PAFAH1B3: variants seen among roughly 807,000 people sequenced by gnomAD.
PAFAH1B3 encodes platelet activating factor acetylhydrolase 1b catalytic subunit 3.
In PAFAH1B3, 15 loss-of-function variants were observed where a neutral mutation model predicts 24.4. The ratio of observed to expected loss-of-function variants is 0.62; its 90% confidence interval spans 0.41 to 0.95. The LOEUF (loss-of-function observed/expected upper bound fraction) is 0.95. Ranked by LOEUF, PAFAH1B3 falls within the 40% of genes least tolerant of loss-of-function variation. The pLI, the probability that PAFAH1B3 is intolerant of heterozygous loss-of-function variation, is 0.00. For missense variants in PAFAH1B3, 266 were observed against 312.2 expected (o/e 0.85, Z 1.12); for synonymous variants, 144 against 126.5 (o/e 1.14, Z -0.93).
intron 4 of PAFAH1B3, 63 bp from the exon 5 acceptor site, chr19:42,297,428 A>C (rs1391580490): frequency 8.1e-7 from 1 of 1,229,316 alleles, no homozygotes; most frequent in Non-Finnish European, 1.1e-6. Context: ...CTCTGTGCCA[A>C]CCTGTCCTCC....
chr19:42,302,393 C>G lies in PAFAH1B3; in HGVS notation c.-84G>C, dbSNP rs1038814506. On this transcript the variant is annotated 5_prime_UTR_variant, in exon 1 of 5. Transcript: ENST00000262890. ...CGGAGCTGGCTCCGCCACGCCCACT[C>G]CTACCCCTCGCGGCAACAAAGGACC... The G allele has an allele frequency of 3.0e-5, 38 of 1,261,292 alleles. No homozygotes were observed. Among genetic ancestry groups the G allele is most frequent in the Non-Finnish European group, 3.8e-5 (35 of 911,884 alleles). The allele number at this position is 1,261,292 out of a possible 1,614,324, so 78.1% of individuals were successfully genotyped here. A position where few individuals can be genotyped will look rare whatever the true frequency, so the allele number is the denominator to read the frequency against.
chr19:42,297,452 A>C (rs923600427), intron 4 of PAFAH1B3, 87 bp from the exon 5 acceptor site: 2 of 944,408 alleles, frequency 2.1e-6, no homozygotes, highest in African/African-American at 3.5e-5. Flanking sequence ...CACCACCATG[A>C]AGTTTCCAGC....
At chr19:42,300,342 C>T (rs945799755) in intron 2 of PAFAH1B3, 55 bp from the exon 3 acceptor site, 21 of 1,395,572 alleles carry the variant, frequency 1.5e-5, no homozygotes, top group Middle Eastern at 3.5e-4. Flanking sequence ...GGGCACTGTC[C>T]GCATGGACCA....
intron 4 of PAFAH1B3, among the ~76,000 whole-genome samples, chr19:42,297,721 C>G (rs1225748074): frequency 6.6e-6 from 1 of 151,916 alleles, no homozygotes; most frequent in Admixed American, 6.6e-5. Flanking sequence ...CTACGGGCAC[C>G]CACCATCATG....
At position 42,299,812 on chromosome 19, in the gene PAFAH1B3, C is replaced by T. The variant is rs57132490; in HGVS notation, c.408+158G>A. 1.5e-3 allele frequency: 1,361 copies of T among 931,586 alleles called. 17 individuals carry two copies. The African/African-American group carries it at 0.02, about 14-fold the overall frequency. 57.7% of individuals were successfully genotyped at this position (931,586 alleles called of 1,614,324 possible). A position where few individuals can be genotyped will look rare whatever the true frequency, so the allele number is the denominator to read the frequency against. On this transcript the variant is annotated intron_variant, in intron 4 of 4. Coordinates refer to ENST00000262890, the MANE Select transcript of PAFAH1B3 (RefSeq NM_002573.4). ...ATTGGTCTCGGAGCATATTCTCAAC[C>T]ACAGCCACTCTGAAGGGTATAGCAA...
rs768624505 is a variant in PAFAH1B3 at position 42,300,009 on chromosome 19, C to T, written c.369G>A (p.Leu123=). ...VTGGIKAIVQ[L]VNERQPQARV... ...GGGCCTGGGGCTGTCGCTCATTCAC[C>T]AGTTGCACAATGGCCTTGATGCCAC... is the stretch of plus-strand genomic sequence containing the variant. Residue 123 remains leucine (L), a synonymous_variant, in exon 4 of 5, where the codon CTG becomes CTA. Transcript: ENST00000262890. 37 of 1,614,118 alleles carry T rather than the reference C, an allele frequency of 2.3e-5. 1 individual carries two copies. In the South Asian group the frequency reaches 4.1e-4, roughly 18 times the overall value.
chr19:42,302,400 C>T lies in PAFAH1B3; in HGVS notation c.-91G>A. On this transcript the variant is annotated 5_prime_UTR_variant, in exon 1 of 5. Transcript: ENST00000262890. ...GGCTCCGCCACGCCCACTCCTACCCCTCGCGGCAACAAAGGACCGTCCCAA... is the reference window on the plus strand; with the variant it reads ...GGCTCCGCCACGCCCACTCCTACCCTTCGCGGCAACAAAGGACCGTCCCAA... 2 of 1,203,356 alleles carry T rather than the reference C, an allele frequency of 1.7e-6. No individual in the cohort carries two copies. Among genetic ancestry groups the T allele is most frequent in the South Asian group, 2.8e-5 (2 of 70,736 alleles). The allele number at this position is 1,203,356 out of a possible 1,614,324, so 74.5% of individuals were successfully genotyped here.
In PAFAH1B3 at chr19:42,297,164, CAG is replaced by C; in HGVS notation, c.608_609del (p.Pro203ArgfsTer?). 1 of 1,614,020 alleles carries C rather than the reference CAG, an allele frequency of 6.2e-7. No homozygotes were observed. The highest frequency in any genetic ancestry group is 8.5e-7 in the Non-Finnish European group (1 of 1,179,926). ...AGCAGGGAGTGCAGAGCCCGGCAAA[CAG>C]GTGTGTAGCCCAGGCGGCTCAGATG... Reference protein sequence around the residue: ...YLHLSRLGYTPVCRALHSLLL... With the variant: ...YLHLSRLGYTXVCRALHSLLL... On this transcript the variant is annotated frameshift_variant, in exon 5 of 5. Coordinates refer to ENST00000262890, the MANE Select transcript of PAFAH1B3 (RefSeq NM_002573.4). LOFTEE classifies it high-confidence loss of function.
At position 42,302,342 on chromosome 19, in the gene PAFAH1B3, T is replaced by G. The variant is rs761868222; in HGVS notation, c.-33A>C. On this transcript the variant is annotated 5_prime_UTR_variant, in exon 1 of 5. Transcript: ENST00000262890. ...CCGCAGCTCCTGCAGGATGAGCGAG[T>G]CGGGTCGGCCCGGGAGTGTTCCGAA... 6 of 1,562,518 alleles carry G rather than the reference T, an allele frequency of 3.8e-6. No individual in the cohort carries two copies. In the African/African-American group the frequency reaches 8.1e-5, roughly 21 times the overall value.
intron 4 of PAFAH1B3, among the ~76,000 whole-genome samples, chr19:42,297,718 C>T (rs1057134653): frequency 1.3e-5 from 2 of 152,002 alleles, no homozygotes; most frequent in Admixed American, 6.6e-5. Flanking sequence ...GGACTACGGG[C>T]ACCCACCATC....
chr19:42,301,806 C>A, intron 2 of PAFAH1B3, 144 bp downstream of exon 2: 1 of 632,178 alleles, frequency 1.6e-6, no homozygotes, highest in Non-Finnish European at 2.8e-6. Context: ...AATGTTGCAC[C>A]TTACACCAAG....
chr19:42,299,933 C>T, intron 4 of PAFAH1B3, 37 bp downstream of exon 4: 1 of 1,612,294 alleles, frequency 6.2e-7, no homozygotes, highest in Non-Finnish European at 8.5e-7. Context: ...TCCCAGACCA[C>T]TGCCATTCTT....
In PAFAH1B3 at chr19:42,299,984, G is replaced by C. The variant is rs200814337; in HGVS notation, c.394C>G (p.Arg132Gly). 2 of 1,614,058 alleles carry C rather than the reference G, an allele frequency of 1.2e-6. No homozygotes were observed. Among genetic ancestry groups the C allele is most frequent in the East Asian group, 4.5e-5 (2 of 44,892 alleles). The change falls in exon 4 of 5, where the codon CGG (arginine) becomes GGG (glycine). Residue 132 changes from arginine to glycine, a missense_variant. Physicochemically the swap from Arg to Gly is moderately radical, Grantham distance 125 (BLOSUM62 -2). Transcript: ENST00000262890. ...QLVNERQPQA[R>G]VVVLGLLPRG... is the part of the protein sequence containing the mutation. ...CAGCCTCTCACCAGCACCACAACCC[G>C]GGCCTGGGGCTGTCGCTCATTCACC... is the stretch of plus-strand genomic sequence containing the variant.
intron 2 of PAFAH1B3, among the ~76,000 whole-genome samples, chr19:42,301,632 C>T (rs1364124795): frequency 6.6e-6 from 1 of 152,186 alleles, no homozygotes; most frequent in Non-Finnish European, 1.5e-5. Flanking sequence ...TGTAAAGTGA[C>T]TATAGCTTTG....
chr19:42,297,322 T>G lies in PAFAH1B3; in HGVS notation c.452A>C (p.Lys151Thr). ...RGQHPNPLREKNRQVNELVRA... is the reference protein window; with the variant it reads ...RGQHPNPLRETNRQVNELVRA... Reference sequence around the variant, plus strand: ...TACCAGCTCGTTCACCTGTCGGTTCTTCTCCCGAAGTGGGTTGGGATGTTG... The same window carrying G: ...TACCAGCTCGTTCACCTGTCGGTTCGTCTCCCGAAGTGGGTTGGGATGTTG... Residue 151 changes from lysine (K) to threonine (T), a missense_variant, in exon 5 of 5, where the codon AAG becomes ACG. Transcript: ENST00000262890. The G allele has an allele frequency of 6.2e-7, 1 of 1,613,216 alleles. No homozygotes were observed. Among genetic ancestry groups the G allele is most frequent in the Non-Finnish European group, 8.5e-7 (1 of 1,179,232 alleles).
rs1004785243 is a variant in PAFAH1B3 at position 42,302,467 on chromosome 19, C to T, written c.-158G>A. Reference sequence around the variant, plus strand: ...GAGGACGAAGGCCGATACAGGGCGCCGCCTCCTCTCCAGGGACGGAAGCCT... The same window carrying T: ...GAGGACGAAGGCCGATACAGGGCGCTGCCTCCTCTCCAGGGACGGAAGCCT... On this transcript the variant is annotated 5_prime_UTR_variant, in exon 1 of 5. Transcript: ENST00000262890. The T allele has an allele frequency of 1.1e-5, 7 of 627,008 alleles. No individual in the cohort carries two copies. Among genetic ancestry groups the T allele is most frequent in the Non-Finnish European group, 1.9e-5 (7 of 366,558 alleles). 38.8% of individuals were successfully genotyped at this position (627,008 alleles called of 1,614,324 possible).
chr19:42,299,296 A>C (rs1275431625), intron 4 of PAFAH1B3, among the ~76,000 whole-genome samples: 1 of 151,490 alleles, frequency 6.6e-6, no homozygotes, highest in African/African-American at 2.4e-5. Flanking sequence ...TTGTATTTTT[A>C]GTAGAGATGG....
intron 4 of PAFAH1B3, among the ~76,000 whole-genome samples, chr19:42,299,119 CT>C (rs530974632): frequency 2.1e-3 from 286 of 134,424 alleles, no homozygotes; most frequent in Middle Eastern, 4.2e-3. Flanking sequence ...CCGCACCCGG[CT>C]TTTTTTTTTT....
Position 42,299,988 on chromosome 19 carries a change from C to T in PAFAH1B3, c.390G>A (p.Gln130=), listed in dbSNP as rs745401150. ...IVQLVNERQP[Q]ARVVVLGLLP... is the part of the protein sequence containing the mutation. ...CTCTCACCAGCACCACAACCCGGGC[C>T]TGGGGCTGTCGCTCATTCACCAGTT... The change falls in exon 4 of 5, where the codon CAG becomes CAA. Residue 130 remains glutamine (Q), a synonymous_variant. Transcript: ENST00000262890. 1.2e-6 allele frequency: 2 copies of T among 1,614,208 alleles called. No individual in the cohort carries two copies. Among genetic ancestry groups the T allele is most frequent in the Non-Finnish European group, 1.7e-6 (2 of 1,180,044 alleles).
Sources: gnomAD v4.1 joint callset for allele counts (sites outside exome capture counted in the v4.1 genomes callset) on GRCh38, gnomAD v4.1.1 for gene constraint, MANE v1.5 for transcripts, NCBI Gene and HGNC (gene_info 2026-07-23, HGNC 2026-07-21) for gene names.